The following LDLRAD4 variants were observed in gnomAD, a reference collection of about 807,000 sequenced individuals.
The protein encoded by LDLRAD4 is low-density lipoprotein receptor class A domain-containing protein 4.
In LDLRAD4, 5 loss-of-function variants were observed where a neutral mutation model predicts 17.0. The ratio of observed to expected loss-of-function variants is 0.29; its 90% confidence interval spans 0.15 to 0.62. The LOEUF (loss-of-function observed/expected upper bound fraction) is 0.62, where lower values mean the gene tolerates loss of function less well. LDLRAD4 is among the 20% of genes least tolerant of loss of function. The pLI is 0.84. For missense variants in LDLRAD4, 340 were observed against 424.7 expected (o/e 0.80, Z 1.75); for synonymous variants, 168 against 171.8 (o/e 0.98, Z 0.17).
intron 2 of LDLRAD4, among the ~76,000 whole-genome samples, chr18:13,429,880 C>G (rs2090209627): frequency 6.6e-6 from 1 of 152,220 alleles, no homozygotes; most frequent in African/African-American, 2.4e-5. Flanking sequence ...AGGCACCTCA[C>G]TTTATCATAG....
At chr18:13,441,297 C>T (rs757110159) in intron 3 of LDLRAD4, among the ~76,000 whole-genome samples, 3 of 151,524 alleles carry the variant, frequency 2.0e-5, no homozygotes, top group Non-Finnish European at 4.4e-5. Context: ...TTCACCAGCC[C>T]GTTTCCTACA....
intron 2 of LDLRAD4, among the ~76,000 whole-genome samples, chr18:13,400,680 A>G (rs1184678851): frequency 6.6e-6 from 1 of 152,212 alleles, no homozygotes; most frequent in Admixed American, 6.5e-5. Flanking sequence ...GTGAGCCCAT[A>G]AGAGGGAGCA....
intron 1 of LDLRAD4, among the ~76,000 whole-genome samples, chr18:13,280,282 C>T (rs2045178907): frequency 6.6e-6 from 1 of 152,232 alleles, no homozygotes; most frequent in Middle Eastern, 3.2e-3. Flanking sequence ...CTTTCATTCA[C>T]TTTGTTACCT....
In LDLRAD4 at chr18:13,337,568, T is replaced by A. The variant is rs185300675; in HGVS notation, c.-382-49773T>A. ...AAAGGTTAAGCAACTTGATCAGTGT[T>A]ACCCAGCAAAGAGCAGAATGATTTT... On this transcript the variant is annotated intron_variant, in intron 1 of 5. Coordinates refer to ENST00000359446, the Ensembl canonical transcript of LDLRAD4. Among the ~76,000 whole-genome samples, 36 of 152,218 alleles carry A rather than the reference T, an allele frequency of 2.4e-4. No homozygotes were observed. In the East Asian group the frequency reaches 5.0e-3, roughly 21 times the overall value.
At chr18:13,349,283 C>T (rs755480213) in intron 1 of LDLRAD4, among the ~76,000 whole-genome samples, 9 of 152,218 alleles carry the variant, frequency 5.9e-5, no homozygotes, top group Non-Finnish European at 1.3e-4. Context: ...TCTTTTACAG[C>T]TCCATCTCCT....
chr18:13,275,858 C>T (rs1386029605), upstream of LDLRAD4, among the ~76,000 whole-genome samples: 1 of 152,122 alleles, frequency 6.6e-6, no homozygotes, highest in African/African-American at 2.4e-5. Flanking sequence ...TTTTTGCCCA[C>T]AAGGAGCTAA....
At chr18:13,562,560 C>T (rs1238727831) in intron 3 of LDLRAD4, among the ~76,000 whole-genome samples, 1 of 152,214 alleles carries the variant, frequency 6.6e-6, no homozygotes, top group Non-Finnish European at 1.5e-5. Context: ...ATGTTCACCA[C>T]CCACGCGGTC....
intron 3 of LDLRAD4, among the ~76,000 whole-genome samples, chr18:13,445,739 GTA>G (rs1328438479): frequency 2.0e-5 from 3 of 150,444 alleles, no homozygotes; most frequent in Non-Finnish European, 4.4e-5. Context: ...GTAGGTGCAT[GTA>G]TGTGTGTGGG....
At chr18:13,254,628 C>T (rs2043405383) in intron 1 of LDLRAD4, among the ~76,000 whole-genome samples, 1 of 152,176 alleles carries the variant, frequency 6.6e-6, no homozygotes, top group African/African-American at 2.4e-5. Context: ...CAGTGAGCCT[C>T]AAGAAACAAA....
intron 1 of LDLRAD4, among the ~76,000 whole-genome samples, chr18:13,334,378 C>G (rs2082006511): frequency 6.6e-6 from 1 of 152,122 alleles, no homozygotes; most frequent in Non-Finnish European, 1.5e-5. Context: ...GCTGGGACTA[C>G]AGGCATGTGC....
chr18:13,458,246 AT>A (rs1231536661), intron 3 of LDLRAD4, among the ~76,000 whole-genome samples: 1 of 152,176 alleles, frequency 6.6e-6, no homozygotes. Context: ...AGGATTCAAA[AT>A]GCCATTCACG....
At chr18:13,380,138 C>T (rs147095272) in intron 1 of LDLRAD4, among the ~76,000 whole-genome samples, 7 of 152,346 alleles carry the variant, frequency 4.6e-5, no homozygotes, top group African/African-American at 1.7e-4. Flanking sequence ...TCAGACCGGG[C>T]TCAGACCAGA....
intron 1 of LDLRAD4, among the ~76,000 whole-genome samples, chr18:13,375,404 G>A (rs2084830650): frequency 6.6e-6 from 1 of 152,116 alleles, no homozygotes; most frequent in South Asian, 2.1e-4. Flanking sequence ...TTATTCAAAG[G>A]AAGTGAGGAG....
chr18:13,608,875 G>A (rs1291847375), intron 3 of LDLRAD4, among the ~76,000 whole-genome samples: 1 of 152,188 alleles, frequency 6.6e-6, no homozygotes, highest in Non-Finnish European at 1.5e-5. Context: ...CCTTTATAGA[G>A]GAAACCTTGA....
At chr18:13,577,708 A>G (rs1568362201) in intron 3 of LDLRAD4, among the ~76,000 whole-genome samples, 1 of 152,214 alleles carries the variant, frequency 6.6e-6, no homozygotes, top group Non-Finnish European at 1.5e-5. Flanking sequence ...TAATAAGGAA[A>G]AGTACCGGCT....
chr18:13,380,266 TC>T (rs2145069360), intron 1 of LDLRAD4, among the ~76,000 whole-genome samples: 1 of 152,338 alleles, frequency 6.6e-6, no homozygotes, highest in East Asian at 1.9e-4. Flanking sequence ...GCAGAGATCT[TC>T]CCAGTATTCC....
chr18:13,448,229 G>A (rs537617165), intron 3 of LDLRAD4, among the ~76,000 whole-genome samples: 39 of 152,234 alleles, frequency 2.6e-4, no homozygotes, highest in Non-Finnish European at 4.6e-4. Flanking sequence ...TGCTTAAGAC[G>A]GGAATGCAGC....
At chr18:13,254,553 G>C (rs1432713047) in intron 1 of LDLRAD4, among the ~76,000 whole-genome samples, 1 of 152,220 alleles carries the variant, frequency 6.6e-6, no homozygotes, top group East Asian at 1.9e-4. Context: ...CTTCTGCCAG[G>C]AAGTCCAGCG....
At chr18:13,550,443 G>C (rs1177961328) in intron 3 of LDLRAD4, among the ~76,000 whole-genome samples, 1 of 152,240 alleles carries the variant, frequency 6.6e-6, no homozygotes, top group Non-Finnish European at 1.5e-5. Context: ...GTGGAGAGAC[G>C]TAATACTGGG....
Sources: gnomAD v4.1 joint callset for allele counts (sites outside exome capture counted in the v4.1 genomes callset) on GRCh38, gnomAD v4.1.1 for gene constraint, MANE v1.5 for transcripts, NCBI Gene and HGNC (gene_info 2026-07-23, HGNC 2026-07-21) for gene names.